ZNF841: variants seen among roughly 807,000 people sequenced by gnomAD.
ZNF841 encodes zinc finger protein 841.
ZNF841 carries 11 observed loss-of-function variants against 13.0 expected under a neutral mutation model. The ratio of observed to expected loss-of-function variants is 0.85; its 90% CI spans 0.53 to 1.40. ZNF841 has a LOEUF of 1.40. Ranked by LOEUF, ZNF841 falls within the 40% of genes most tolerant of loss-of-function variation. The pLI, the probability that ZNF841 is intolerant of heterozygous loss-of-function variation, is 0.00. For synonymous variants in ZNF841, 369 were observed against 381.6 expected (o/e 0.97, Z 0.38); for missense variants, 1,068 against 1,139.5 (o/e 0.94, Z 0.90).
At chr19:52,058,591 T>TG in the ZNF841 span, 29 of 152,466 alleles carry the variant, frequency 1.9e-4, no homozygotes, top group African/African-American at 5.8e-4. Context: ...ACCTTATACA[T>TG]GTCCTTTCTT....
chr19:52,082,462 T>G (rs752546448), intron 4 of ZNF841, among the ~76,000 whole-genome samples: 2 of 152,208 alleles, frequency 1.3e-5, no homozygotes, highest in Non-Finnish European at 2.9e-5. Context: ...AAAAAATTCA[T>G]GCAAAGAAAA....
intron 3 of ZNF841, among the ~76,000 whole-genome samples, chr19:52,085,136 C>T (rs2088227769): frequency 6.6e-6 from 1 of 152,202 alleles, no homozygotes; most frequent in Non-Finnish European, 1.5e-5. Flanking sequence ...CTTCAGGACA[C>T]AGACCCATCC....
At chr19:52,073,374 A>G (rs921963351) in intron 6 of ZNF841, among the ~76,000 whole-genome samples, 10 of 152,038 alleles carry the variant, frequency 6.6e-5, no homozygotes, top group African/African-American at 1.9e-4. Flanking sequence ...TCTCAGCTCA[A>G]TGCAACCTCT....
intron 6 of ZNF841, among the ~76,000 whole-genome samples, chr19:52,071,096 G>A (rs1734903605): frequency 1.3e-5 from 2 of 152,156 alleles, no homozygotes; most frequent in South Asian, 4.1e-4. Flanking sequence ...AGGTAGTATT[G>A]TACTGACTAA....
chr19:52,066,238 C>T lies in ZNF841; in HGVS notation c.1644G>A (p.Lys548=). The T allele has an allele frequency of 6.2e-7, 1 of 1,613,958 alleles. No homozygotes were observed. The highest frequency in any genetic ancestry group is 8.5e-7 in the Non-Finnish European group (1 of 1,179,958). ...EKPYKCNVCG[K]VFNYGGYLSV... Reference sequence around the variant, plus strand: ...AAAGGTATCCACCGTAATTAAAGACCTTGCCACACACATTACATTTGTAAG... The same window carrying T: ...AAAGGTATCCACCGTAATTAAAGACTTTGCCACACACATTACATTTGTAAG... The change falls in exon 7 of 7, where the codon AAG becomes AAA. Residue 548 remains lysine (K), a synonymous_variant. Transcript: ENST00000594440.
Position 52,065,857 on chromosome 19 carries a change from A to G in ZNF841, c.2025T>C (p.His675=), listed in dbSNP as rs1161530481. 1.2e-6 allele frequency: 2 copies of G among 1,614,062 alleles called. No homozygotes were observed. Among genetic ancestry groups the G allele is most frequent in the South Asian group, 1.1e-5 (1 of 91,080 alleles). The change falls in exon 7 of 7, where the codon CAT becomes CAC. Residue 675 remains histidine, a synonymous_variant. Transcript: ENST00000594440. ...RSSLTKHLVI[H]TGENPYHCNE... ...TACAGTGGTAAGGGTTCTCTCCAGT[A>G]TGAATTACCAGATGTTTAGTGAGGC... is the stretch of plus-strand genomic sequence containing the variant.
chr19:52,093,784 CA>C (rs2088582738), intron 2 of ZNF841, 61 bp downstream of exon 2: 1 of 152,042 alleles, frequency 6.6e-6, no homozygotes, highest in Admixed American at 6.6e-5. Flanking sequence ...AAAGCAACTA[CA>C]AAGAAAAAAG....
In ZNF841 at chr19:52,067,121, G is replaced by A. The variant is rs1173203413; in HGVS notation, c.761C>T (p.Thr254Ile). The A allele has an allele frequency of 6.4e-7, 1 of 1,571,448 alleles. No homozygotes were observed. The highest frequency in any genetic ancestry group is 2.3e-5 in the East Asian group (1 of 42,564). The change falls in exon 7 of 7, where the codon ACA becomes ATA. Residue 254 changes from threonine (T) to isoleucine (I), a missense_variant. By Grantham distance (89) the Thr-to-Ile change is moderately conservative. Transcript: ENST00000594440. ...TATGTAAGGTTTTTCCCTAATATGT[G>A]TTTTCTCGTCTTGTGTAGGTAACGA... The part of the protein sequence containing the change: ...QLSLPTQDEK[T>I]HIREKPYIGN...
At chr19:52,064,019 T>C (rs535597007), downstream of ZNF841, among the ~76,000 whole-genome samples, 1 of 152,142 alleles carries the variant, frequency 6.6e-6, no homozygotes, top group Admixed American at 6.5e-5. Context: ...AGGATGTATA[T>C]TCTTATGCCT....
chr19:52,093,122 A>G (rs1371829184), intron 2 of ZNF841, among the ~76,000 whole-genome samples: 1 of 152,220 alleles, frequency 6.6e-6, no homozygotes, highest in Non-Finnish European at 1.5e-5. Flanking sequence ...TCTCAAAAAA[A>G]AAGAAAACCT....
In ZNF841 at chr19:52,066,834, A is replaced by C; in HGVS notation, c.1048T>G (p.Cys350Gly). 1 of 1,614,200 alleles carries C rather than the reference A, an allele frequency of 6.2e-7. No homozygotes were observed. ...TGDKPYICNE[C>G]GKSFSKSSHL... ...GAACTTTTACTAAAGGACTTGCCAC[A>C]TTCATTACATATGTAGGGTTTGTCT... Residue 350 changes from cysteine (C) to glycine (G), a missense_variant, in exon 7 of 7, where the codon TGT becomes GGT. Cys to Gly is a radical substitution (Grantham distance 159). Coordinates refer to ENST00000594440, the MANE Select transcript of ZNF841 (RefSeq NM_001136499.2).
At chr19:52,082,026 G>A (rs972631215) in intron 4 of ZNF841, among the ~76,000 whole-genome samples, 3 of 152,120 alleles carry the variant, frequency 2.0e-5, no homozygotes, top group Non-Finnish European at 4.4e-5. Context: ...GAAAAATAAA[G>A]AGAGTCTAAA....
chr19:52,076,271 A>AT, intron 5 of ZNF841, 99 bp from the exon 6 acceptor site: 1 of 1,416,574 alleles, frequency 7.1e-7, no homozygotes, highest in South Asian at 1.4e-5. Flanking sequence ...TCTACAAAAT[A>AT]TTTCACAAAC....
chr19:52,087,412 T>C (rs2088310284), intron 3 of ZNF841, among the ~76,000 whole-genome samples: 2 of 152,274 alleles, frequency 1.3e-5, no homozygotes, highest in Non-Finnish European at 2.9e-5. Context: ...TTTCCCTCTA[T>C]GTGTCCAAGT....
chr19:52,071,437 G>A (rs2087735758), intron 6 of ZNF841, among the ~76,000 whole-genome samples: 1 of 151,946 alleles, frequency 6.6e-6, no homozygotes, highest in African/African-American at 2.4e-5. Context: ...TAAGGAGACG[G>A]GGTGCAGAAT....
intron 3 of ZNF841, among the ~76,000 whole-genome samples, chr19:52,087,312 C>T (rs767087761): frequency 2.6e-5 from 4 of 152,054 alleles, no homozygotes; most frequent in Non-Finnish European, 5.9e-5. Context: ...TTTCATCATC[C>T]GGGTATTAAG....
chr19:52,059,348 T>TAAAAAAAAAAA, the ZNF841 span, among the ~76,000 whole-genome samples: 2 of 45,998 alleles, frequency 4.3e-5, no homozygotes, highest in African/African-American at 3.4e-4. Flanking sequence ...AGACTCTGTC[T>TAAAAAAAAAAA]AAAAAAAAAA....
chr19:52,090,650 G>GAAAGAAA (rs1568549553), intron 2 of ZNF841, among the ~76,000 whole-genome samples: 139 of 58,930 alleles, frequency 2.4e-3, no homozygotes, highest in African/African-American at 8.9e-3. Context: ...AAGGAAGGAA[G>GAAAGAAA]GAAGGAAAGA....
the ZNF841 span, chr19:52,059,010 T>TG: frequency 6.5e-6 from 1 of 153,538 alleles, no homozygotes; most frequent in Non-Finnish European, 1.5e-5. Flanking sequence ...GTGAAAAACT[T>TG]GGAGGATCCA....
Sources: gnomAD v4.1 joint callset for allele counts (sites outside exome capture counted in the v4.1 genomes callset) on GRCh38, gnomAD v4.1.1 for gene constraint, MANE v1.5 for transcripts, NCBI Gene and HGNC (gene_info 2026-07-23, HGNC 2026-07-21) for gene names.